KLHL29: variants seen among roughly 807,000 people sequenced by gnomAD.
KLHL29 encodes kelch like family member 29, also known as kelch-like protein 29.
A neutral mutation model predicts 80.4 loss-of-function variants in KLHL29; 21 were observed. That is an observed-to-expected ratio of 0.26 (90% CI 0.19 to 0.38). The LOEUF (loss-of-function observed/expected upper bound fraction) is 0.38, where lower values mean the gene tolerates loss of function less well. Ranked by LOEUF, KLHL29 falls within the 10% of genes least tolerant of loss-of-function variation. The probability of loss-of-function intolerance (pLI) is 1.00; values close to 1 mark genes in which losing one functional copy is unlikely to be tolerated. For synonymous variants in KLHL29, 511 were observed against 526.8 expected (o/e 0.97, Z 0.41); for missense variants, 867 against 1,223.9 (o/e 0.71, Z 4.35).
At position 23,528,510 on chromosome 2, in the gene KLHL29, G is replaced by C. The variant is rs111514475; in HGVS notation, c.-45-33642G>C. Among the ~76,000 whole-genome samples the C allele has an allele frequency of 9.0e-4, 137 of 152,324 alleles. 2 individuals carry two copies. The highest frequency in any genetic ancestry group is 3.2e-3 in the African/African-American group (131 of 41,566). ...AGCCCTTATAAGGTGGGCTGTACAG[G>C]ACGAGGCCACGCGCTCCCTTGCATG... On this transcript the variant is annotated intron_variant, in intron 2 of 13. Coordinates refer to ENST00000486442, the MANE Select transcript of KLHL29 (RefSeq NM_052920.2).
chr2:23,450,131 A>G (rs746960298), intron 1 of KLHL29, among the ~76,000 whole-genome samples: 4 of 152,144 alleles, frequency 2.6e-5, no homozygotes, highest in Non-Finnish European at 5.9e-5. Flanking sequence ...CAAGTCTGCA[A>G]TTCAGAACAC....
At chr2:23,591,243 G>C (rs1159976247) in intron 3 of KLHL29, among the ~76,000 whole-genome samples, 1 of 152,136 alleles carries the variant, frequency 6.6e-6, no homozygotes. Flanking sequence ...ACAAGAGGCC[G>C]GTGCCCTTGG....
At chr2:23,461,101 A>T (rs1464956161) in intron 1 of KLHL29, among the ~76,000 whole-genome samples, 2 of 152,258 alleles carry the variant, frequency 1.3e-5, no homozygotes, top group African/African-American at 4.8e-5. Flanking sequence ...ATCTGTTAAG[A>T]ATCAAATCTG....
At position 23,695,565 on chromosome 2, in the gene KLHL29, T is replaced by C; in HGVS notation, c.1543-58T>C. The C allele has an allele frequency of 8.1e-7, 1 of 1,230,610 alleles. No individual in the cohort carries two copies. Among genetic ancestry groups the C allele is most frequent in the Non-Finnish European group, 1.1e-6 (1 of 886,830 alleles). The allele number at this position is 1,230,610 out of a possible 1,614,324, so 76.2% of individuals were successfully genotyped here. A position where few individuals can be genotyped will look rare whatever the true frequency, so the allele number is the denominator to read the frequency against. On this transcript the variant is annotated intron_variant, in intron 8 of 13. Coordinates refer to ENST00000486442, the MANE Select transcript of KLHL29 (RefSeq NM_052920.2). The surrounding 1 kb of genome is among the most constrained non-coding windows in gnomAD (Gnocchi z 7.6). ...TGCAGCCCCACACCATTTCTTTCCGTCCGGGAGGTGGCTCTCTCTTGCTAG... is the reference window on the plus strand; with the variant it reads ...TGCAGCCCCACACCATTTCTTTCCGCCCGGGAGGTGGCTCTCTCTTGCTAG...
At chr2:23,463,484 A>G (rs1207522125) in intron 1 of KLHL29, among the ~76,000 whole-genome samples, 2 of 152,146 alleles carry the variant, frequency 1.3e-5, no homozygotes, top group East Asian at 1.9e-4. Flanking sequence ...ATAGACAAAA[A>G]ATTTTACTGT....
chr2:23,597,397 ATATATATATATTTTT>A lies in KLHL29; in HGVS notation c.285+34918_285+34932del, dbSNP rs1558402814. On this transcript the variant is annotated intron_variant, in intron 3 of 13. Coordinates refer to ENST00000486442, the MANE Select transcript of KLHL29 (RefSeq NM_052920.2). ...TGTGTGTGTGTGTATATATATATAT[ATATATATATATTTTT>A]TTTTTTTTTTTTTTTTTTTTTTTTT... Among the ~76,000 whole-genome samples the A allele has an allele frequency of 6.0e-3, 542 of 90,152 alleles. 14 individuals are homozygous for A. Among genetic ancestry groups the A allele is most frequent in the Non-Finnish European group, 8.9e-3 (438 of 49,254 alleles). 59.1% of individuals were successfully genotyped at this position (90,152 alleles called of 152,430 possible).
At chr2:23,588,342 G>T (rs1668169371) in intron 3 of KLHL29, among the ~76,000 whole-genome samples, 1 of 152,178 alleles carries the variant, frequency 6.6e-6, no homozygotes, top group Non-Finnish European at 1.5e-5. Context: ...CCAGTTTCAG[G>T]TTGCCCACTC....
In KLHL29 at chr2:23,577,247, C is replaced by T. The variant is rs1208320217; in HGVS notation, c.285+14766C>T. 5.3e-5 allele frequency among the ~76,000 whole-genome samples: 8 copies of T among 152,160 alleles called. No homozygotes were observed. The East Asian group carries it at 1.3e-3, about 26-fold the overall frequency. On this transcript the variant is annotated intron_variant, in intron 3 of 13. Coordinates refer to ENST00000486442, the MANE Select transcript of KLHL29 (RefSeq NM_052920.2). ...GGCGGATCACCTGAGGTCAGGAGTT[C>T]GAGACCAGCCTGGCCAACATGGTGA...
chr2:23,386,875 A>G (rs1232058185), intron 1 of KLHL29, among the ~76,000 whole-genome samples: 2 of 151,506 alleles, frequency 1.3e-5, no homozygotes, highest in African/African-American at 4.9e-5. Flanking sequence ...GCCTGCGGCC[A>G]GCCGTCTCGG....
chr2:23,511,769 A>G (rs1239125236), intron 2 of KLHL29, among the ~76,000 whole-genome samples: 1 of 151,104 alleles, frequency 6.6e-6, no homozygotes, highest in Non-Finnish European at 1.5e-5. Context: ...AGAGTTTCAG[A>G]TGTTCTGTGT....
At position 23,571,984 on chromosome 2, in the gene KLHL29, C is replaced by T. The variant is rs13425496; in HGVS notation, c.285+9503C>T. On this transcript the variant is annotated intron_variant, in intron 3 of 13. Transcript: ENST00000486442. ...TGCTAAAAGCAGCTGCAGTGACCTTCGTGAGTACCCTGTCCTATTATTCAT... is the reference window on the plus strand; with the variant it reads ...TGCTAAAAGCAGCTGCAGTGACCTTTGTGAGTACCCTGTCCTATTATTCAT... 4.5e-3 allele frequency among the ~76,000 whole-genome samples: 687 copies of T among 152,354 alleles called. 5 individuals are homozygous for T. Among genetic ancestry groups the T allele is most frequent in the African/African-American group, 0.016 (660 of 41,576 alleles).
intron 1 of KLHL29, among the ~76,000 whole-genome samples, chr2:23,427,107 T>A (rs1390298610): frequency 2.6e-5 from 4 of 152,156 alleles, no homozygotes; most frequent in African/African-American, 9.7e-5. Context: ...CCTACTCTTT[T>A]TCCCAAAACA....
At chr2:23,394,937 G>A (rs1005811894) in intron 1 of KLHL29, among the ~76,000 whole-genome samples, 7 of 152,334 alleles carry the variant, frequency 4.6e-5, no homozygotes, top group African/African-American at 1.7e-4. Context: ...AGGATTAAAT[G>A]AGTTCCTGTT....
intron 1 of KLHL29, among the ~76,000 whole-genome samples, chr2:23,465,958 G>T (rs1011421889): frequency 9.9e-5 from 15 of 151,842 alleles, no homozygotes; most frequent in African/African-American, 3.1e-4. Context: ...CCACCTTCCC[G>T]CTGACTTTCA....
chr2:23,585,875 A>G (rs957024103), intron 3 of KLHL29, among the ~76,000 whole-genome samples: 2 of 152,224 alleles, frequency 1.3e-5, no homozygotes, highest in African/African-American at 4.8e-5. Flanking sequence ...TATTTGCTCT[A>G]CCACCGGGGA....
intron 3 of KLHL29, among the ~76,000 whole-genome samples, chr2:23,597,399 ATATATATATTTTTTTTTTTTTTTTT>A (rs1558402831): frequency 1.0e-4 from 8 of 79,736 alleles, no homozygotes; most frequent in South Asian, 4.3e-4. Flanking sequence ...ATATATATAT[ATATATATATTTTTTTTTTTTTTTTT>A]TTTTTTTTTT....
chr2:23,692,735 C>G (rs1451489520), intron 7 of KLHL29, among the ~76,000 whole-genome samples: 2 of 152,108 alleles, frequency 1.3e-5, no homozygotes, highest in African/African-American at 4.8e-5. Context: ...GCTCCCACCC[C>G]AGACCTAGCC....
intron 2 of KLHL29, among the ~76,000 whole-genome samples, chr2:23,525,743 G>T: frequency 2.5e-5 from 1 of 39,540 alleles, no homozygotes; most frequent in Non-Finnish European, 6.1e-5. Context: ...CCCCCCACCC[G>T]AGGCGAGCCA....
At position 23,619,470 on chromosome 2, in the gene KLHL29, A is replaced by C. The variant is rs185707052; in HGVS notation, c.286-19669A>C. ...AGGCCTTAGCTGTGACTCCTTTTGA[A>C]ATCTGAGCATCCCAGGGATGAGGGC... On this transcript the variant is annotated intron_variant, in intron 3 of 13. Coordinates refer to ENST00000486442, the MANE Select transcript of KLHL29 (RefSeq NM_052920.2). 4.6e-5 allele frequency among the ~76,000 whole-genome samples: 7 copies of C among 152,262 alleles called. No individual in the cohort carries two copies. The East Asian group carries it at 1.4e-3, about 29-fold the overall frequency.
Sources: gnomAD v4.1 joint callset for allele counts (sites outside exome capture counted in the v4.1 genomes callset) on GRCh38, gnomAD v4.1.1 for gene constraint, Gnocchi (gnomAD v3.1) non-coding constraint, MANE v1.5 for transcripts, NCBI Gene and HGNC (gene_info 2026-07-23, HGNC 2026-07-21) for gene names.